Variants in ESR2 observed in about 807,000 individuals in gnomAD.
ESR2 encodes estrogen receptor beta.
Under a neutral mutation model 49.6 loss-of-function variants are expected in ESR2, and 36 were observed. The observed-to-expected ratio is 0.73, with a 90% CI of 0.56 to 0.96. The LOEUF is 0.96. ESR2 is among the 40% of genes least tolerant of loss of function. ESR2 has a pLI of 0.00. For missense variants in ESR2, 714 were observed against 693.0 expected (o/e 1.03, Z -0.34); for synonymous variants, 320 against 266.1 (o/e 1.20, Z -1.97).
At chr14:64,259,241 G>T (rs1176437153) in intron 5 of ESR2, among the ~76,000 whole-genome samples, 1 of 152,244 alleles carries the variant, frequency 6.6e-6, no homozygotes, top group Non-Finnish European at 1.5e-5. Context: ...AGGAAGCTCA[G>T]AAGAAATGGG....
rs1305200621 is a variant in ESR2 at position 64,268,875 on chromosome 14, C to T, written c.572G>A (p.Cys191Tyr). ...NDYICPATNQ[C>Y]TIDKNRRKSC... ...CTTGCGCCGGTTTTTATCGATTGTACACTGATTTGTAGCTGGACAAATATA... is the reference window on the plus strand; with the variant it reads ...CTTGCGCCGGTTTTTATCGATTGTATACTGATTTGTAGCTGGACAAATATA... Residue 191 changes from cysteine to tyrosine, a missense_variant, in exon 4 of 9, where the codon TGT (cysteine) becomes TAT (tyrosine). By Grantham distance (194) the Cys-to-Tyr change is radical. Coordinates refer to ENST00000341099, the MANE Select transcript of ESR2 (RefSeq NM_001437.3). 1 of 1,613,288 alleles carries T rather than the reference C, an allele frequency of 6.2e-7. No individual in the cohort carries two copies.
intron 1 of ESR2, among the ~76,000 whole-genome samples, chr14:64,292,385 G>C (rs904442928): frequency 1.3e-5 from 2 of 152,168 alleles, no homozygotes; most frequent in African/African-American, 2.4e-5. Context: ...TGTCATGTGT[G>C]CGGTGCTGGT....
chr14:64,252,601 C>G (rs2076011387), intron 6 of ESR2, among the ~76,000 whole-genome samples: 1 of 152,136 alleles, frequency 6.6e-6, no homozygotes, highest in South Asian at 2.1e-4. Context: ...TGGCAGAGAG[C>G]AAAGGGAAAC....
At chr14:64,296,331 G>GA (rs2076957680), upstream of ESR2, among the ~76,000 whole-genome samples, 1 of 152,158 alleles carries the variant, frequency 6.6e-6, no homozygotes, top group Non-Finnish European at 1.5e-5. Context: ...TCAGCTACCT[G>GA]AAGCCACCTA....
At chr14:64,335,640 G>C (rs1206244455) in intron 1 of ESR2, among the ~76,000 whole-genome samples, 2 of 151,994 alleles carry the variant, frequency 1.3e-5, no homozygotes, top group Non-Finnish European at 2.9e-5. Flanking sequence ...CCACATTCAG[G>C]GTAAGGGCTT....
intron 1 of ESR2, among the ~76,000 whole-genome samples, chr14:64,292,400 T>C (rs2076887413): frequency 6.6e-6 from 1 of 152,204 alleles, no homozygotes; most frequent in African/African-American, 2.4e-5. Context: ...GCTGGTTACA[T>C]GACTGTGCAT....
intron 1 of ESR2, among the ~76,000 whole-genome samples, chr14:64,291,325 C>A (rs1407383212): frequency 6.6e-6 from 1 of 152,150 alleles, no homozygotes; most frequent in Non-Finnish European, 1.5e-5. Context: ...TCAAGTACAC[C>A]CACACAAAGA....
chr14:64,227,955 ACTC>A (rs1170362655), downstream of ESR2: 28 of 1,586,514 alleles, frequency 1.8e-5, no homozygotes, highest in Non-Finnish European at 2.2e-5. Flanking sequence ...TTCTAATCAA[ACTC>A]AGAATGATTA....
intron 6 of ESR2, among the ~76,000 whole-genome samples, chr14:64,253,066 G>A (rs2076021962): frequency 1.3e-5 from 2 of 152,078 alleles, no homozygotes; most frequent in South Asian, 2.1e-4. Flanking sequence ...ATGTTGGCCA[G>A]GCTGGTCTTG....
chr14:64,299,709 G>C (rs1258656049), intron 1 of ESR2, among the ~76,000 whole-genome samples: 1 of 152,152 alleles, frequency 6.6e-6, no homozygotes, highest in African/African-American at 2.4e-5. Context: ...TGTGCACAGA[G>C]CGTGCTTCTT....
intron 1 of ESR2, among the ~76,000 whole-genome samples, chr14:64,284,850 CTT>C (rs780694583): frequency 5.2e-4 from 73 of 139,554 alleles, no homozygotes; most frequent in African/African-American, 1.7e-3. Context: ...TATCGCATTA[CTT>C]TTTTTTTTTT....
intron 1 of ESR2, among the ~76,000 whole-genome samples, chr14:64,326,838 G>GC (rs1308356063): frequency 1.1e-4 from 17 of 152,006 alleles, no homozygotes; most frequent in African/African-American, 3.6e-4. Flanking sequence ...AGACCTTTAG[G>GC]CCCCCCTTGC....
chr14:64,242,080 G>A (rs1596375792), intron 7 of ESR2, among the ~76,000 whole-genome samples: 1 of 152,126 alleles, frequency 6.6e-6, no homozygotes, highest in Non-Finnish European at 1.5e-5. Context: ...TAGCAGGAGT[G>A]GATGTTGGAT....
At chr14:64,255,951 A>T (rs915631839) in intron 6 of ESR2, among the ~76,000 whole-genome samples, 4 of 152,224 alleles carry the variant, frequency 2.6e-5, no homozygotes, top group Non-Finnish European at 5.9e-5. Flanking sequence ...ATTGTCAACC[A>T]TGACAAAAGG....
chr14:64,311,558 G>A (rs2077864905), intron 1 of ESR2, among the ~76,000 whole-genome samples: 1 of 151,100 alleles, frequency 6.6e-6, no homozygotes, highest in Admixed American at 6.7e-5. Flanking sequence ...GAGAATAATT[G>A]CTTGAACCTG....
rs77498063 is a variant in ESR2, at chr14:64,281,196, T to C, written c.363-1043A>G. Among the ~76,000 whole-genome samples, 72 of 152,196 alleles carry C rather than the reference T, an allele frequency of 4.7e-4. 1 individual carries two copies. The East Asian group carries it at 0.013, about 27-fold the overall frequency. On this transcript the variant is annotated intron_variant, in intron 2 of 8. Coordinates refer to ENST00000341099, the MANE Select transcript of ESR2 (RefSeq NM_001437.3). ...GGCTTGGAAGGAAGCAGAGGCTCAA[T>C]GCTGGACCACAGGCAAGAGGTTCAT...
At chr14:64,269,116 T>C (rs1278682054) in intron 3 of ESR2, among the ~76,000 whole-genome samples, 1 of 152,172 alleles carries the variant, frequency 6.6e-6, no homozygotes, top group African/African-American at 2.4e-5. Flanking sequence ...AATATCCTGG[T>C]TTTTTACTAA....
intron 1 of ESR2, among the ~76,000 whole-genome samples, chr14:64,306,633 G>A (rs904328143): frequency 4.6e-5 from 7 of 152,200 alleles, no homozygotes; most frequent in African/African-American, 1.7e-4. Context: ...ATAAACTCCG[G>A]TTGGTCTTAA....
At chr14:64,256,147 G>A (rs2076091265) in intron 6 of ESR2, among the ~76,000 whole-genome samples, 1 of 152,158 alleles carries the variant, frequency 6.6e-6, no homozygotes, top group Admixed American at 6.5e-5. Context: ...AAAGAGATGT[G>A]GAAATCAATT....
Sources: allele counts gnomAD v4.1 joint callset (sites outside exome capture counted in the v4.1 genomes callset), GRCh38; gene constraint gnomAD v4.1.1; transcripts MANE v1.5; gene names NCBI Gene and HGNC (gene_info 2026-07-23, HGNC 2026-07-21).